Variants in CHERP observed in about 807,000 individuals in gnomAD.
CHERP encodes ERPROT 213-21.
A neutral mutation model predicts 113.8 loss-of-function variants in CHERP; 8 were observed. The observed-to-expected ratio is 0.07, with a 90% CI of 0.04 to 0.13. The LOEUF is 0.13. Ranked by LOEUF, CHERP falls within the 10% of genes least tolerant of loss-of-function variation. The pLI is 1.00. For missense variants in CHERP, 884 were observed against 1,298.2 expected (o/e 0.68, Z 4.90); for synonymous variants, 559 against 524.5 (o/e 1.07, Z -0.90).
At chr19:16,522,357 C>T (rs1402964374) in intron 11 of CHERP, among the ~76,000 whole-genome samples, 1 of 152,000 alleles carries the variant, frequency 6.6e-6, no homozygotes, top group African/African-American at 2.4e-5. Flanking sequence ...CTCCCGGGTT[C>T]ATGCCATTCT....
intron 2 of CHERP, chr19:16,541,432 G>C (rs749110112): frequency 3.4e-4 from 54 of 157,088 alleles, no homozygotes; most frequent in Admixed American, 6.5e-5. Context: ...AACTCAGAGG[G>C]ATAATTCTTT....
chr19:16,536,159 C>T (rs2085740059), intron 2 of CHERP, among the ~76,000 whole-genome samples: 1 of 152,246 alleles, frequency 6.6e-6, no homozygotes. Context: ...GCCTCCCCCA[C>T]ACCTGCCTTG....
At position 16,521,358 on chromosome 19, in the gene CHERP, G is replaced by GT. The variant is rs1224913399; in HGVS notation, c.2114+162dup. ...TAAAACGCCCTTCATTGAGGGCCAC[G>GT]TGTGTGCTGTGCCTGTGACACACAC... On this transcript the variant is annotated intron_variant, in intron 12 of 16. Coordinates refer to ENST00000546361, the MANE Select transcript of CHERP (RefSeq NM_006387.6). 9.6e-6 allele frequency: 6 copies of GT among 626,720 alleles called. No individual in the cohort carries two copies. The Admixed American group carries it at 1.9e-4, about 20-fold the overall frequency. 38.8% of individuals were successfully genotyped at this position (626,720 alleles called of 1,614,324 possible). A position where few individuals can be genotyped will look rare whatever the true frequency, so the allele number is the denominator to read the frequency against.
intron 3 of CHERP, among the ~76,000 whole-genome samples, chr19:16,534,057 CTT>C (rs1242148515): frequency 2.6e-5 from 2 of 77,340 alleles, no homozygotes. Context: ...CTTTTCTTTT[CTT>C]TTTTTTTTTT....
chr19:16,533,210 C>T lies in CHERP; in HGVS notation c.385-62G>A, dbSNP rs1204731376. Reference sequence around the variant, plus strand: ...GGAGGGACCCGCAGCCTGAGCCCTCCGGCCTGGCTCAGCAGGGGCGGGGTG... The same window carrying T: ...GGAGGGACCCGCAGCCTGAGCCCTCTGGCCTGGCTCAGCAGGGGCGGGGTG... On this transcript the variant is annotated intron_variant, in intron 3 of 16. Coordinates refer to ENST00000546361, the MANE Select transcript of CHERP (RefSeq NM_006387.6). 129 of 1,520,362 alleles carry T rather than the reference C, an allele frequency of 8.5e-5. No individual in the cohort carries two copies. In the South Asian group the frequency reaches 8.9e-4, roughly 10 times the overall value. The allele number at this position is 1,520,362 out of a possible 1,614,324, so 94.2% of individuals were successfully genotyped here.
In CHERP at chr19:16,519,092, G is replaced by A. The variant is rs987852836; in HGVS notation, c.*67C>T. On this transcript the variant is annotated 3_prime_UTR_variant, in exon 17 of 17. Coordinates refer to ENST00000546361, the MANE Select transcript of CHERP (RefSeq NM_006387.6). The surrounding 1 kb of genome is among the most constrained non-coding windows in gnomAD (Gnocchi z 6.0). Reference sequence around the variant, plus strand: ...TGAGCTGTCACTGCAATCTTCCTCTGCCAGTCAGCCAGGAAGGTCCCACAG... The same window carrying A: ...TGAGCTGTCACTGCAATCTTCCTCTACCAGTCAGCCAGGAAGGTCCCACAG... 2 of 1,407,304 alleles carry A rather than the reference G, an allele frequency of 1.4e-6. No individual in the cohort carries two copies. Among genetic ancestry groups the A allele is most frequent in the Admixed American group, 4.3e-5 (2 of 46,832 alleles). The allele number at this position is 1,407,304 out of a possible 1,614,324, so 87.2% of individuals were successfully genotyped here. A position where few individuals can be genotyped will look rare whatever the true frequency, so the allele number is the denominator to read the frequency against.
intron 1 of CHERP, 57 bp from the exon 2 acceptor site, chr19:16,542,100 G>A: frequency 6.5e-7 from 1 of 1,540,154 alleles, no homozygotes; most frequent in African/African-American, 1.4e-5. Flanking sequence ...CAAAGCCGGG[G>A]GACTCGGCGC....
chr19:16,539,042 C>T (rs1369388710), intron 2 of CHERP, among the ~76,000 whole-genome samples: 1 of 152,110 alleles, frequency 6.6e-6, no homozygotes, highest in African/African-American at 2.4e-5. Context: ...CTCACTGCTC[C>T]CCAGGCTGGT....
rs1295313818 is a variant in CHERP, at chr19:16,530,618, T to C, written c.843A>G (p.Leu281=). The C allele has an allele frequency of 6.2e-7, 1 of 1,613,882 alleles. No homozygotes were observed. Among genetic ancestry groups the C allele is most frequent in the Non-Finnish European group, 8.5e-7 (1 of 1,179,914 alleles). The part of the protein sequence containing the change: ...GYFDDSIIQQ[L]QSPALGLGQY... Reference sequence around the variant, plus strand: ...GACCAAGCCCCAGGGCTGGGCTCTGTAGCTGCTGAATGATGGAGTCATCGA... The same window carrying C: ...GACCAAGCCCCAGGGCTGGGCTCTGCAGCTGCTGAATGATGGAGTCATCGA... The change falls in exon 7 of 17, where the codon CTA becomes CTG. Residue 281 remains leucine (L), a synonymous_variant. Transcript: ENST00000546361. This position sits in a 1 kb window ranked among gnomAD's most constrained non-coding sequence, Gnocchi z 4.1.
intron 2 of CHERP, among the ~76,000 whole-genome samples, chr19:16,538,277 TC>T (rs1390510499): frequency 1.3e-5 from 2 of 152,200 alleles, no homozygotes; most frequent in Non-Finnish European, 2.9e-5. Flanking sequence ...AGCTCTGGGT[TC>T]CCCATTCCCT....
chr19:16,527,957 G>A (rs2085667676), intron 9 of CHERP, 123 bp downstream of exon 9: 1 of 996,598 alleles, frequency 1.0e-6, no homozygotes, highest in South Asian at 1.6e-5. Flanking sequence ...CATAAGCTCT[G>A]CCACAGAATA....
intron 2 of CHERP, among the ~76,000 whole-genome samples, chr19:16,537,048 T>C (rs1455722858): frequency 6.6e-6 from 1 of 151,972 alleles, no homozygotes; most frequent in Non-Finnish European, 1.5e-5. Flanking sequence ...CACATCAGAA[T>C]ATTCTGGGTT....
chr19:16,538,881 C>T (rs946093431), intron 2 of CHERP, among the ~76,000 whole-genome samples: 6 of 151,926 alleles, frequency 3.9e-5, no homozygotes, highest in South Asian at 4.2e-4. Flanking sequence ...ACCATCAGGT[C>T]GTCAATATGC....
rs2085617493 is a variant in CHERP, at chr19:16,521,746, C to T, written c.1981-92G>A. On this transcript the variant is annotated intron_variant, in intron 11 of 16. Transcript: ENST00000546361. ...CAAGGAGTGGGGTCAGGGCAGGGCC[C>T]AGGTTCAGTGTCAAGGGTACCCTGG... The T allele has an allele frequency of 1.9e-5, 24 of 1,273,832 alleles. No individual in the cohort carries two copies. The South Asian group carries it at 4.3e-4, about 23-fold the overall frequency. The allele number at this position is 1,273,832 out of a possible 1,614,324, so 78.9% of individuals were successfully genotyped here.
At position 16,532,382 on chromosome 19, in the gene CHERP, G is replaced by C. The variant is rs1478251433; in HGVS notation, c.674+216C>G. 2 of 574,026 alleles carry C rather than the reference G, an allele frequency of 3.5e-6. No individual in the cohort carries two copies. The highest frequency in any genetic ancestry group is 6.8e-5 in the Admixed American group (2 of 29,628). 35.6% of individuals were successfully genotyped at this position (574,026 alleles called of 1,614,324 possible). A position where few individuals can be genotyped will look rare whatever the true frequency, so the allele number is the denominator to read the frequency against. ...GCCGGGGTCTAGGGGAGAGGACAGG[G>C]CATGCAGCGAAGGTGCACAGGACAC... On this transcript the variant is annotated intron_variant, in intron 5 of 16. Coordinates refer to ENST00000546361, the MANE Select transcript of CHERP (RefSeq NM_006387.6). The surrounding 1 kb of genome is among the most constrained non-coding windows in gnomAD (Gnocchi z 4.4).
intron 3 of CHERP, among the ~76,000 whole-genome samples, chr19:16,534,696 G>T (rs7259054): frequency 6.6e-6 from 1 of 151,604 alleles, no homozygotes; most frequent in African/African-American, 2.4e-5. Flanking sequence ...GGCTAGCCTC[G>T]AACTCCTGAC....
Position 16,520,091 on chromosome 19 carries a change from C to T in CHERP, c.2462+58G>A, listed in dbSNP as rs190970269. The T allele has an allele frequency of 3.1e-4, 479 of 1,547,132 alleles. 1 individual carries two copies. The African/African-American group carries it at 5.2e-3, about 17-fold the overall frequency. On this transcript the variant is annotated intron_variant, in intron 15 of 16. Coordinates refer to ENST00000546361, the MANE Select transcript of CHERP (RefSeq NM_006387.6). This position sits in a 1 kb window ranked among gnomAD's most constrained non-coding sequence, Gnocchi z 4.0. The stretch of plus-strand genomic sequence containing the variant: ...CTAACCACCAATGTTTCCACATTCA[C>T]AGCAAAGCACCGCAGCTTCCCAGAG...
chr19:16,529,688 G>A lies in CHERP; in HGVS notation c.1089C>T (p.Ala363=), dbSNP rs755978933. The stretch of plus-strand genomic sequence containing the variant: ...GCGGGATGGCAGGGGCAGGTGCTGG[G>A]GCCGGGGGTGGAGCAGGCGGTGGAG... ...ATPPPPAPPP[A]PAPAPAIPPT... is the part of the protein sequence containing the mutation. Residue 363 remains alanine, a synonymous_variant, in exon 8 of 17, where the codon GCC becomes GCT. Coordinates refer to ENST00000546361, the MANE Select transcript of CHERP (RefSeq NM_006387.6). The A allele has an allele frequency of 1.9e-6, 3 of 1,569,094 alleles. No homozygotes were observed. Among genetic ancestry groups the A allele is most frequent in the Non-Finnish European group, 2.6e-6 (3 of 1,162,652 alleles).
At position 16,530,763 on chromosome 19, in the gene CHERP, A is replaced by G; in HGVS notation, c.786+6T>C. ...TTGCCCAACCCCCGGCCCGGGGCCCACGCACCCGGGCGATCTTCTGCTGCT... is the reference window on the plus strand; with the variant it reads ...TTGCCCAACCCCCGGCCCGGGGCCCGCGCACCCGGGCGATCTTCTGCTGCT... On this transcript the variant is annotated splice_donor_region_variant and intron_variant, in intron 6 of 16. Transcript: ENST00000546361. The surrounding 1 kb of genome is among the most constrained non-coding windows in gnomAD (Gnocchi z 4.1). 1 of 1,613,892 alleles carries G rather than the reference A, an allele frequency of 6.2e-7. No individual in the cohort carries two copies. The highest frequency in any genetic ancestry group is 1.1e-5 in the South Asian group (1 of 91,070).
Sources: allele counts gnomAD v4.1 joint callset (sites outside exome capture counted in the v4.1 genomes callset), GRCh38; gene constraint gnomAD v4.1.1; non-coding constraint Gnocchi (gnomAD v3.1); transcripts MANE v1.5; gene names NCBI Gene and HGNC (gene_info 2026-07-23, HGNC 2026-07-21).